Variants in PKD1L3 observed in about 807,000 individuals in gnomAD.
PKD1L3 encodes the protein polycystin-1-like protein 3.
PKD1L3 carries 239 observed loss-of-function variants against 184.1 expected under a neutral mutation model. The observed-to-expected ratio is 1.30, with a 90% CI of 1.17 to 1.45. The LOEUF (loss-of-function observed/expected upper bound fraction) is 1.45. Among genes scored for constraint, PKD1L3 ranks in the 40% most tolerant of loss-of-function variants. The probability of loss-of-function intolerance (pLI) is 0.00; values close to 1 mark genes in which losing one functional copy is unlikely to be tolerated. For missense variants in PKD1L3, 2,660 were observed against 2,067.2 expected, an observed-to-expected ratio of 1.29 and a Z score of -5.56; for synonymous variants, 996 against 778.8, an observed-to-expected ratio of 1.28 and a Z score of -4.64.
At chr16:71,977,536 A>G in intron 10 of PKD1L3, 69 bp from the exon 11 acceptor site, 1 of 1,016,328 alleles carries the variant, frequency 9.8e-7, no homozygotes, top group South Asian at 1.4e-5. Context: ...CTTTATATTG[A>G]TAAGGTAAGG....
Position 71,930,477 on chromosome 16 carries a change from T to TA in PKD1L3, c.4927-295dup, listed in dbSNP as rs537718944. ...ATGTCACATGAGTTTTGGCAAAAAA[T>TA]ACATCTAATCATGGAAGCTAAAAGT... On this transcript the variant is annotated intron_variant, in intron 28 of 29. Coordinates refer to ENST00000620267, the MANE Select transcript of PKD1L3 (RefSeq NM_181536.2). 129 of 234,024 alleles carry TA rather than the reference T, an allele frequency of 5.5e-4. 1 individual carries two copies. The highest frequency in any genetic ancestry group is 2.6e-3 in the African/African-American group (116 of 44,658). The allele number at this position is 234,024 out of a possible 1,614,324, so 14.5% of individuals were successfully genotyped here.
intron 24 of PKD1L3, among the ~76,000 whole-genome samples, chr16:71,938,352 G>C (rs573881734): frequency 3.9e-5 from 6 of 152,252 alleles, no homozygotes; most frequent in African/African-American, 1.4e-4. Context: ...GGTAAGGGGG[G>C]GCTGAGGGTG....
chr16:71,980,000 C>T lies in PKD1L3; in HGVS notation c.1271+7G>A, dbSNP rs1412258607. The T allele has an allele frequency of 1.9e-6, 3 of 1,551,968 alleles. No homozygotes were observed. The highest frequency in any genetic ancestry group is 3.9e-5 in the Admixed American group (2 of 50,958). On this transcript the variant is annotated splice_region_variant and intron_variant, in intron 8 of 29. Coordinates refer to ENST00000620267, the MANE Select transcript of PKD1L3 (RefSeq NM_181536.2). ...TGAAACTCTCCCCGTTCCTTCTTCCCATTAACCTGCTCAGCAGCAGAGTAG... is the reference window on the plus strand; with the variant it reads ...TGAAACTCTCCCCGTTCCTTCTTCCTATTAACCTGCTCAGCAGCAGAGTAG...
At chr16:71,944,637 G>A (rs1211606952) in intron 22 of PKD1L3, among the ~76,000 whole-genome samples, 1 of 152,042 alleles carries the variant, frequency 6.6e-6, no homozygotes, top group Non-Finnish European at 1.5e-5. Context: ...GAGACTAGCA[G>A]ATAGTTTGAG....
intron 16 of PKD1L3, among the ~76,000 whole-genome samples, chr16:71,961,098 C>T (rs923661906): frequency 1.3e-5 from 2 of 151,640 alleles, no homozygotes; most frequent in Admixed American, 1.3e-4. Flanking sequence ...GCTGAGAGTC[C>T]ATGATTTTTA....
chr16:71,953,653 G>A (rs1339795432), intron 17 of PKD1L3, among the ~76,000 whole-genome samples: 1 of 152,058 alleles, frequency 6.6e-6, no homozygotes, highest in Non-Finnish European at 1.5e-5. Flanking sequence ...GAGTGCAGTG[G>A]TGCAATCTCG....
intron 25 of PKD1L3, among the ~76,000 whole-genome samples, chr16:71,936,518 T>C (rs1430587757): frequency 2.8e-5 from 4 of 142,898 alleles, no homozygotes; most frequent in African/African-American, 8.0e-5. Context: ...CTTTTTTTTT[T>C]CTTTTTTTTT....
At position 71,978,247 on chromosome 16, in the gene PKD1L3, G is replaced by A. The variant is rs541092370; in HGVS notation, c.1527+8C>T. 2.6e-6 allele frequency: 4 copies of A among 1,547,862 alleles called. No individual in the cohort carries two copies. Among genetic ancestry groups the A allele is most frequent in the African/African-American group, 1.4e-5 (1 of 72,996 alleles). ...CTTCTATTTTATTCCCTAAGAATCA[G>A]TTCCTACCTCAATGTCCTCCATTAA... On this transcript the variant is annotated splice_region_variant and intron_variant, in intron 10 of 29. Coordinates refer to ENST00000620267, the MANE Select transcript of PKD1L3 (RefSeq NM_181536.2).
At chr16:71,930,258 T>C (rs1210436965) in intron 28 of PKD1L3, 75 bp from the exon 29 acceptor site, 1 of 1,387,300 alleles carries the variant, frequency 7.2e-7, no homozygotes, top group Non-Finnish European at 9.5e-7. Flanking sequence ...TATATGCTAG[T>C]GTTTGGGATC....
intron 16 of PKD1L3, among the ~76,000 whole-genome samples, chr16:71,961,008 A>G (rs1161358577): frequency 6.6e-6 from 1 of 152,202 alleles, no homozygotes; most frequent in African/African-American, 2.4e-5. Flanking sequence ...ATTCCTATAC[A>G]CAAGCAACAC....
chr16:71,932,779 CCTTT>C (rs1183834315), intron 28 of PKD1L3, among the ~76,000 whole-genome samples: 1 of 119,322 alleles, frequency 8.4e-6, no homozygotes, highest in Non-Finnish European at 1.7e-5. Flanking sequence ...CCGCACCTGG[CCTTT>C]TTTTTTTTTT....
chr16:71,953,911 TTTAG>T (rs1214505168), intron 17 of PKD1L3, among the ~76,000 whole-genome samples, 190 bp downstream of exon 17: 7 of 151,834 alleles, frequency 4.6e-5, no homozygotes, highest in African/African-American at 1.7e-4. Context: ...GGTAGTGGAG[TTTAG>T]TTAAAGTATT....
At chr16:71,960,485 A>G (rs542930711) in intron 16 of PKD1L3, among the ~76,000 whole-genome samples, 1 of 152,286 alleles carries the variant, frequency 6.6e-6, no homozygotes, top group South Asian at 2.1e-4. Context: ...TTTAGTTAAT[A>G]TAAAATGGAA....
rs548996797 is a variant in PKD1L3 at position 71,946,431 on chromosome 16, C to G, written c.3718+1061G>C. On this transcript the variant is annotated intron_variant, in intron 22 of 29. Coordinates refer to ENST00000620267, the MANE Select transcript of PKD1L3 (RefSeq NM_181536.2). ...AGGAGATACATATATAACCTCTTGT[C>G]AAGACATGCATCGTTTTTACATGAT... is the stretch of plus-strand genomic sequence containing the variant. 3.4e-4 allele frequency among the ~76,000 whole-genome samples: 52 copies of G among 152,150 alleles called. 1 individual carries two copies. In the South Asian group the frequency reaches 6.4e-3, roughly 19 times the overall value.
In PKD1L3 at chr16:71,944,045, T is replaced by C; in HGVS notation, c.3844A>G (p.Thr1282Ala). ...CTCTCCATACCCAAAATATCTCCAG[T>C]CAGCTTGAAGAGTTTCTTCTTTTTC... is the stretch of plus-strand genomic sequence containing the variant. ...TLKKKKLFKL[T>A]GDILVQILFL... The change falls in exon 23 of 30, where the codon ACT becomes GCT. Residue 1282 changes from threonine (T) to alanine (A), a missense_variant. Coordinates refer to ENST00000620267, the MANE Select transcript of PKD1L3 (RefSeq NM_181536.2). 1 of 1,551,694 alleles carries C rather than the reference T, an allele frequency of 6.4e-7. No homozygotes were observed. The highest frequency in any genetic ancestry group is 1.7e-4 in the Middle Eastern group (1 of 5,996).
intron 19 of PKD1L3, 89 bp downstream of exon 19, chr16:71,951,475 G>A (rs2038831563): frequency 1.5e-6 from 2 of 1,320,930 alleles, no homozygotes; most frequent in South Asian, 1.5e-5. Flanking sequence ...TATCAGGCCT[G>A]TCGGTTATGA....
intron 2 of PKD1L3, among the ~76,000 whole-genome samples, chr16:71,997,452 AT>A (rs1178872231): frequency 6.7e-6 from 1 of 150,224 alleles, no homozygotes; most frequent in Non-Finnish European, 1.5e-5. Flanking sequence ...CCGTCTCCAC[AT>A]AAAAAAATAA....
chr16:71,993,649 G>T (rs1223944521), intron 2 of PKD1L3, among the ~76,000 whole-genome samples: 15 of 152,030 alleles, frequency 9.9e-5, no homozygotes, highest in Non-Finnish European at 2.2e-4. Context: ...TCATCGCCAG[G>T]GTCTGATTTT....
intron 7 of PKD1L3, 26 bp from the exon 8 acceptor site, chr16:71,980,160 G>C (rs1246665664): frequency 1.3e-6 from 2 of 1,549,362 alleles, no homozygotes; most frequent in South Asian, 2.4e-5. Flanking sequence ...AACAGTGTGT[G>C]ACTTGTAAAA....
Sources: gnomAD v4.1 joint callset for allele counts (sites outside exome capture counted in the v4.1 genomes callset) on GRCh38, gnomAD v4.1.1 for gene constraint, MANE v1.5 for transcripts, NCBI Gene and HGNC (gene_info 2026-07-23, HGNC 2026-07-21) for gene names.